PTPN13: variants seen among roughly 807,000 people sequenced by gnomAD.
The protein encoded by PTPN13 is tyrosine-protein phosphatase non-receptor type 13.
PTPN13 carries 191 observed loss-of-function variants against 284.0 expected under a neutral mutation model. The ratio of observed to expected loss-of-function variants is 0.67; its 90% CI spans 0.60 to 0.76. PTPN13 has a LOEUF of 0.76. Ranked by LOEUF, PTPN13 falls within the 30% of genes least tolerant of loss-of-function variation. The pLI is 0.00. For synonymous variants in PTPN13, 986 were observed against 1,022.3 expected, an observed-to-expected ratio of 0.96 and a Z score of 0.68; for missense variants, 2,797 against 2,939.9, an observed-to-expected ratio of 0.95 and a Z score of 1.12.
At chr4:86,612,200 A>G (rs571664489) in intron 1 of PTPN13, among the ~76,000 whole-genome samples, 16 of 152,330 alleles carry the variant, frequency 1.1e-4, no homozygotes, top group Non-Finnish European at 1.9e-4. Flanking sequence ...ACACCCAACT[A>G]GATAAAATTT....
intron 40 of PTPN13, among the ~76,000 whole-genome samples, chr4:86,792,649 A>AACAGCGATCTCTT (rs1462115018): frequency 1.3e-5 from 2 of 152,216 alleles, no homozygotes; most frequent in Non-Finnish European, 2.9e-5. Context: ...CCATCAGAAT[A>AACAGCGATCTCTT]ACAGCGATCT....
intron 5 of PTPN13, chr4:86,689,654 T>C (rs1232521082): frequency 1.4e-6 from 1 of 702,420 alleles, no homozygotes; most frequent in Admixed American, 2.0e-5. Flanking sequence ...TCCCTTCTTC[T>C]CGGAACACTG....
chr4:86,729,572 G>A (rs1018795727), intron 10 of PTPN13, among the ~76,000 whole-genome samples: 4 of 149,038 alleles, frequency 2.7e-5, no homozygotes, highest in Non-Finnish European at 4.5e-5. Flanking sequence ...TTGTCTTCTC[G>A]CTTTATTTCA....
At position 86,785,300 on chromosome 4, in the gene PTPN13, A is replaced by G. The variant is rs774077325; in HGVS notation, c.6188A>G (p.Asp2063Gly). The G allele has an allele frequency of 2.8e-5, 45 of 1,606,968 alleles. No individual in the cohort carries two copies. Among genetic ancestry groups the G allele is most frequent in the Admixed American group, 5.0e-5 (3 of 59,730 alleles). ...GCTGAAGTTATCCAGTCTCTGCTGG[A>G]TGTTGTGGATGAGGAAGCCCAGAAT... ...QEAEVIQSLL[D>G]VVDEEAQNLL... is the part of the protein sequence containing the mutation. The change falls in exon 39 of 48, where the codon GAT becomes GGT. Residue 2063 changes from aspartate (D) to glycine (G), a missense_variant. Transcript: ENST00000411767.
At position 86,770,170 on chromosome 4, in the gene PTPN13, G is replaced by A. The variant is rs1439072710; in HGVS notation, c.4774G>A (p.Val1592Met). ...FLLLCRPPPG[V>M]LPEIDTALLT... ...GCTTCTCTGCAGACCTCCACCTGGT[G>A]TGCTACCGGAAATTGATACTGCGCT... is the stretch of plus-strand genomic sequence containing the variant. Residue 1592 changes from valine to methionine, a missense_variant, in exon 30 of 48, where the codon GTG becomes ATG. Val to Met is a conservative substitution (Grantham distance 21). Transcript: ENST00000411767. 24 of 1,613,720 alleles carry A rather than the reference G, an allele frequency of 1.5e-5. No homozygotes were observed. The East Asian group carries it at 5.3e-4, about 36-fold the overall frequency.
At chr4:86,806,358 A>G (rs1449605988) in intron 44 of PTPN13, among the ~76,000 whole-genome samples, 1 of 152,106 alleles carries the variant, frequency 6.6e-6, no homozygotes, top group Non-Finnish European at 1.5e-5. Context: ...CACTGACCCT[A>G]TCTTTACCAA....
At chr4:86,713,648 A>G (rs1732682117) in intron 7 of PTPN13, among the ~76,000 whole-genome samples, 1 of 152,130 alleles carries the variant, frequency 6.6e-6, no homozygotes, top group East Asian at 1.9e-4. Context: ...AGTATGCAAT[A>G]TTATTCCTAG....
chr4:86,803,852 C>T lies in PTPN13; in HGVS notation c.6649C>T (p.Leu2217=). The change falls in exon 43 of 48, where the codon CTG becomes TTG. Residue 2217 remains leucine, a synonymous_variant. Coordinates refer to ENST00000411767, the MANE Select transcript of PTPN13 (RefSeq NM_080683.3). ...LLDQGIPSKE[L]ENLQELKPLD... ...AGATCAAGGAATTCCTTCTAAGGAG[C>T]TGGAGGTAAGTGGCTTCTGCCAATG... 1 of 1,613,060 alleles carries T rather than the reference C, an allele frequency of 6.2e-7. No homozygotes were observed. Among genetic ancestry groups the T allele is most frequent in the Non-Finnish European group, 8.5e-7 (1 of 1,179,306 alleles).
chr4:86,686,724 T>C lies in PTPN13; in HGVS notation c.309T>C (p.Ser103=), dbSNP rs1323505262. 4 of 1,571,360 alleles carry C rather than the reference T, an allele frequency of 2.5e-6. No individual in the cohort carries two copies. In the African/African-American group the frequency reaches 5.4e-5, roughly 21 times the overall value. ...LSDVEKIHIY[S]LGMTLYWGAD... ...TCTATTCCTAGATCCACATTTATTC[T>C]CTTGGAATGACACTGTATTGGGGGG... The change falls in exon 4 of 48, where the codon TCT becomes TCC. Residue 103 remains serine (S), a synonymous_variant. Coordinates refer to ENST00000411767, the MANE Select transcript of PTPN13 (RefSeq NM_080683.3).
intron 1 of PTPN13, among the ~76,000 whole-genome samples, chr4:86,613,346 G>A (rs1720143937): frequency 6.6e-6 from 1 of 152,132 alleles, no homozygotes; most frequent in Admixed American, 6.5e-5. Context: ...AAGAGTTTGG[G>A]GAGTAGTGGC....
chr4:86,672,812 A>AG (rs1727857368), intron 3 of PTPN13, among the ~76,000 whole-genome samples: 1 of 152,222 alleles, frequency 6.6e-6, no homozygotes, highest in African/African-American at 2.4e-5. Context: ...ACCGTGCCTG[A>AG]GGAAGATATA....
chr4:86,804,464 C>G (rs984144887), intron 43 of PTPN13, among the ~76,000 whole-genome samples: 12 of 152,132 alleles, frequency 7.9e-5, no homozygotes, highest in African/African-American at 2.9e-4. Context: ...ATATATTCCT[C>G]AAAATATTAA....
intron 2 of PTPN13, among the ~76,000 whole-genome samples, chr4:86,645,608 A>G (rs1724331162): frequency 6.6e-6 from 1 of 152,232 alleles, no homozygotes; most frequent in South Asian, 2.1e-4. Context: ...ATTTAACAAT[A>G]TGAAAAAATT....
intron 20 of PTPN13, among the ~76,000 whole-genome samples, chr4:86,754,303 A>G (rs1168322345): frequency 2.6e-5 from 4 of 152,008 alleles, no homozygotes; most frequent in Non-Finnish European, 2.9e-5. Flanking sequence ...CTAGTGATCA[A>G]ACTCCTTACA....
Position 86,604,265 on chromosome 4 carries a change from T to C in PTPN13, c.-6+9476T>C, listed in dbSNP as rs185438265. On this transcript the variant is annotated intron_variant, in intron 1 of 47. Coordinates refer to ENST00000411767, the MANE Select transcript of PTPN13 (RefSeq NM_080683.3). ...TGTAAAATGCAAATAATAATATATATCTCAAAAGGTTTTGTAAGCTTTATT... is the reference window on the plus strand; with the variant it reads ...TGTAAAATGCAAATAATAATATATACCTCAAAAGGTTTTGTAAGCTTTATT... Among the ~76,000 whole-genome samples the C allele has an allele frequency of 3.2e-4, 48 of 152,120 alleles. 1 individual carries two copies. Among genetic ancestry groups the C allele is most frequent in the African/African-American group, 1.1e-3 (46 of 41,552 alleles).
intron 12 of PTPN13, among the ~76,000 whole-genome samples, chr4:86,733,234 C>T (rs764607661): frequency 9.2e-5 from 14 of 152,008 alleles, no homozygotes; most frequent in East Asian, 1.9e-4. Context: ...AATATTGTAT[C>T]CACTTAAACC....
rs543953956 is a variant in PTPN13 at position 86,814,501 on chromosome 4, C to T, written c.7408C>T (p.Arg2470Cys). ...TCAAGTCATCCTTTATGTCCTGACA[C>T]GTCTTCAAGCAGAAGAAGAGCAAAA... ...CYQVILYVLT[R>C]LQAEEEQKQQ... The change falls in exon 48 of 48, where the codon CGT becomes TGT. Residue 2470 changes from arginine (R) to cysteine (C), a missense_variant. By Grantham distance (180) the Arg-to-Cys change is radical. Coordinates refer to ENST00000411767, the MANE Select transcript of PTPN13 (RefSeq NM_080683.3). The T allele has an allele frequency of 3.6e-5, 58 of 1,612,736 alleles. No homozygotes were observed. In the Admixed American group the frequency reaches 4.0e-4, roughly 11 times the overall value.
At chr4:86,655,499 G>A (rs1725677057) in intron 2 of PTPN13, among the ~76,000 whole-genome samples, 1 of 152,066 alleles carries the variant, frequency 6.6e-6, no homozygotes, top group African/African-American at 2.4e-5. Context: ...CTTCACTTAT[G>A]AAGCTTAGTT....
chr4:86,635,001 C>T (rs565642053), intron 1 of PTPN13, among the ~76,000 whole-genome samples: 1 of 152,268 alleles, frequency 6.6e-6, no homozygotes, highest in Admixed American at 6.5e-5. Flanking sequence ...GTAAAGCAGT[C>T]ACCACCCCCA....
Sources: gnomAD v4.1 joint callset for allele counts (sites outside exome capture counted in the v4.1 genomes callset) on GRCh38, gnomAD v4.1.1 for gene constraint, MANE v1.5 for transcripts, NCBI Gene and HGNC (gene_info 2026-07-23, HGNC 2026-07-21) for gene names.